CHRNA4: variants seen among roughly 807,000 people sequenced by gnomAD.
The protein encoded by CHRNA4 is neuronal acetylcholine receptor subunit alpha-4.
A neutral mutation model predicts 48.9 loss-of-function variants in CHRNA4; 28 were observed. That is an observed-to-expected ratio of 0.57 (90% CI 0.42 to 0.79). CHRNA4 has a LOEUF of 0.79. Among genes scored for constraint, CHRNA4 ranks in the 30% least tolerant of loss-of-function variants. The probability of loss-of-function intolerance (pLI) is 0.00; values close to 1 mark genes in which losing one functional copy is unlikely to be tolerated. For missense variants in CHRNA4, 859 were observed against 898.4 expected (o/e 0.96, Z 0.56); for synonymous variants, 425 against 402.3 (o/e 1.06, Z -0.68).
chr20:63,349,986 G>T lies in CHRNA4; in HGVS notation c.1425C>A (p.Gly475=), dbSNP rs121912279. The part of the protein sequence containing the change: ...SLSVQHMSSP[G]EAVEGGVRCR... ...ACCGGACGCCGCCTTCCACCGCTTC[G>T]CCAGGGCTGGACATGTGCTGGACGC... The change falls in exon 5 of 6, where the codon GGC becomes GGA. Residue 475 remains glycine, a synonymous_variant. Transcript: ENST00000370263. The T allele has an allele frequency of 7.1e-6, 11 of 1,550,768 alleles. No individual in the cohort carries two copies. The highest frequency in any genetic ancestry group is 8.7e-6 in the Non-Finnish European group (10 of 1,146,802).
At chr20:63,355,682 G>A in intron 4 of CHRNA4, 7 of 998,806 alleles carry the variant, frequency 7.0e-6, no homozygotes, top group Non-Finnish European at 1.0e-5. Context: ...CTGTGTCCAG[G>A]TGCCATAGCC....
chr20:63,356,713 C>T, intron 2 of CHRNA4: 1 of 513,506 alleles, frequency 1.9e-6, no homozygotes, highest in East Asian at 3.5e-5. Flanking sequence ...GCATGGGGAG[C>T]CTCCTTCTGC....
rs1200990885 is a variant in CHRNA4, at chr20:63,349,740, G to C, written c.1671C>G (p.His557Gln). 2 of 1,612,428 alleles carry C rather than the reference G, an allele frequency of 1.2e-6. No individual in the cohort carries two copies. Among genetic ancestry groups the C allele is most frequent in the African/African-American group, 2.7e-5 (2 of 74,932 alleles). Residue 557 changes from histidine (H) to glutamine (Q), a missense_variant, in exon 5 of 6, where the codon CAC becomes CAG. Physicochemically the swap from His to Gln is conservative, Grantham distance 24. This residue lies in a region of CHRNA4 where 478 missense variants were observed against 455.4 expected (regional missense o/e 1.05). Coordinates refer to ENST00000370263, the MANE Select transcript of CHRNA4 (RefSeq NM_000744.7). ...GGGTCAGGGCCGGCGACAGGGGCAG[G>C]TGCGGGGGCGGCGCTTTGGTGCTGC... ...KTRSTKAPPP[H>Q]LPLSPALTRA...
At chr20:63,360,487 T>C (rs1036122474) in intron 1 of CHRNA4, among the ~76,000 whole-genome samples, 3 of 152,116 alleles carry the variant, frequency 2.0e-5, no homozygotes, top group Non-Finnish European at 4.4e-5. Context: ...CCGCCTGTCC[T>C]GGGCGCTGCC....
intron 5 of CHRNA4, among the ~76,000 whole-genome samples, chr20:63,347,379 C>T (rs1402770020): frequency 6.6e-6 from 1 of 152,236 alleles, no homozygotes; most frequent in African/African-American, 2.4e-5. Flanking sequence ...CATCTGCAGT[C>T]TCTCACTCGA....
At chr20:63,359,736 C>A (rs375155371) in intron 1 of CHRNA4, 37 bp from the exon 2 acceptor site, 1 of 1,604,448 alleles carries the variant, frequency 6.2e-7, no homozygotes, top group African/African-American at 1.3e-5. Flanking sequence ...CAGGTGCAGG[C>A]GGGACAGGAG....
intron 4 of CHRNA4, among the ~76,000 whole-genome samples, chr20:63,351,412 C>T (rs939595952): frequency 1.3e-5 from 2 of 152,212 alleles, no homozygotes; most frequent in Admixed American, 6.5e-5. Flanking sequence ...AAGGGACCTA[C>T]GAGTGCCTGA....
Position 63,359,582 on chromosome 20 carries a change from C to T in CHRNA4, c.194G>A (p.Arg65His), listed in dbSNP as rs200867143. 11 of 1,612,722 alleles carry T rather than the reference C, an allele frequency of 6.8e-6. No homozygotes were observed. The East Asian group carries it at 8.9e-5, about 13-fold the overall frequency. Residue 65 changes from arginine to histidine, a missense_variant, in exon 2 of 6, where the codon CGC becomes CAC. This residue lies in a region of CHRNA4 where 342 missense variants were observed against 365.3 expected (regional missense o/e 0.94). Coordinates refer to ENST00000370263, the MANE Select transcript of CHRNA4 (RefSeq NM_000744.7). ...VANISDVVLVRFGLSIAQLID... is the reference protein window; with the variant it reads ...VANISDVVLVHFGLSIAQLID... ...GAGCTGAGCGATGGACAGGCCGAAG[C>T]GGACGAGGACCACGTCCGAGATGTT... is the stretch of plus-strand genomic sequence containing the variant.
Position 63,344,365 on chromosome 20 carries a change from T to C in CHRNA4, c.*2373A>G, listed in dbSNP as rs202119950. ...CTGGGTCTCCACTGAAGAGCATGCA[T>C]CTCACCATATGTAAATTTTACCTTA... is the stretch of plus-strand genomic sequence containing the variant. On this transcript the variant is annotated 3_prime_UTR_variant, in exon 6 of 6. Coordinates refer to ENST00000370263, the MANE Select transcript of CHRNA4 (RefSeq NM_000744.7). The surrounding 1 kb of genome is among the most constrained non-coding windows in gnomAD (Gnocchi z 4.5). 4 of 453,990 alleles carry C rather than the reference T, an allele frequency of 8.8e-6. No individual in the cohort carries two copies. Among genetic ancestry groups the C allele is most frequent in the South Asian group, 1.6e-5 (1 of 64,468 alleles). The allele number at this position is 453,990 out of a possible 1,614,324, so 28.1% of individuals were successfully genotyped here.
chr20:63,350,999 G>A lies in CHRNA4; in HGVS notation c.412C>T (p.Leu138=), dbSNP rs372063405. The A allele has an allele frequency of 2.0e-5, 33 of 1,613,174 alleles. No homozygotes were observed. Among genetic ancestry groups the A allele is most frequent in the Non-Finnish European group, 2.7e-5 (32 of 1,179,950 alleles). The change falls in exon 5 of 6, where the codon CTG becomes TTG. Residue 138 remains leucine (L), a synonymous_variant. Transcript: ENST00000370263. ...TCATGGAACAGGTGGGCCTTGGTCA[G>A]GTGGGTGACCGCGAAGTCCCCGTCA... ...NADGDFAVTH[L]TKAHLFHDGR...
At chr20:63,349,544 A>T (rs917223802) in intron 5 of CHRNA4, 109 bp downstream of exon 5, 8 of 1,425,710 alleles carry the variant, frequency 5.6e-6, no homozygotes, top group Admixed American at 1.7e-5. Context: ...CCCAAAGCGA[A>T]GCAGCCTGAG....
rs1555838260 is a variant in CHRNA4, at chr20:63,351,198, A to AGCCACGCCCCACGCCCACGCCCCACG, written c.384-172_384-171insCGTGGGGCGTGGGCGTGGGGCGTGGC. The stretch of plus-strand genomic sequence containing the variant: ...GCCCACATCCATGTCCCACGCCCAC[A>AGCCACGCCCCACGCCCACGCCCCACG]TCCACACCCACGTCCACGTCCACGC... On this transcript the variant is annotated intron_variant, in intron 4 of 5. Transcript: ENST00000370263. 8.8e-4 allele frequency: 418 copies of AGCCACGCCCCACGCCCACGCCCCACG among 477,712 alleles called. 15 individuals carry two copies. Among genetic ancestry groups the AGCCACGCCCCACGCCCACGCCCCACG allele is most frequent in the Middle Eastern group, 1.5e-3 (3 of 2,020 alleles). 29.6% of individuals were successfully genotyped at this position (477,712 alleles called of 1,614,324 possible). A position where few individuals can be genotyped will look rare whatever the true frequency, so the allele number is the denominator to read the frequency against.
In CHRNA4 at chr20:63,359,704, G is replaced by A. The variant is rs200082259; in HGVS notation, c.77-5C>T. ...GGGTCTCCACATGGCTGCTGGCTGC[G>A]GGGAGAGGCAGGCCAGTGGCTCAGG... On this transcript the variant is annotated splice_polypyrimidine_tract_variant and splice_region_variant and intron_variant, in intron 1 of 5. Transcript: ENST00000370263. 1.7e-5 allele frequency: 27 copies of A among 1,610,110 alleles called. No individual in the cohort carries two copies. The highest frequency in any genetic ancestry group is 6.7e-5 in the East Asian group (3 of 44,876).
In CHRNA4 at chr20:63,361,326, GGCAGGGAGCGCC is replaced by G; in HGVS notation, c.-173_-162del. ...GTGGGGCGCGGTGCGGCGGCGGCGCGGCAGGGAGCGCCGGGCTGTGGGCTCCGTGGCGCGGCC... is the reference window on the plus strand; with the variant it reads ...GTGGGGCGCGGTGCGGCGGCGGCGCGGGGCTGTGGGCTCCGTGGCGCGGCC... On this transcript the variant is annotated 5_prime_UTR_variant, in exon 1 of 6. Coordinates refer to ENST00000370263, the MANE Select transcript of CHRNA4 (RefSeq NM_000744.7). 1 of 1,158,000 alleles carries G rather than the reference GGCAGGGAGCGCC, an allele frequency of 8.6e-7. No individual in the cohort carries two copies. The highest frequency in any genetic ancestry group is 3.0e-5 in the South Asian group (1 of 33,322). The allele number at this position is 1,158,000 out of a possible 1,614,324, so 71.7% of individuals were successfully genotyped here. A position where few individuals can be genotyped will look rare whatever the true frequency, so the allele number is the denominator to read the frequency against.
At chr20:63,353,815 C>A (rs78566368) in intron 4 of CHRNA4, among the ~76,000 whole-genome samples, 4 of 39,318 alleles carry the variant, frequency 1.0e-4, no homozygotes, top group Admixed American at 3.9e-4. Context: ...GGGCTGTGGT[C>A]CTGGAGGGGC....
At chr20:63,355,211 C>T (rs544644353) in intron 4 of CHRNA4, among the ~76,000 whole-genome samples, 33 of 152,318 alleles carry the variant, frequency 2.2e-4, no homozygotes, top group Admixed American at 1.8e-3. Flanking sequence ...GCGCAGGGCC[C>T]TCGGCACAGA....
rs1209368457 is a variant in CHRNA4 at position 63,344,201 on chromosome 20, G to A, written c.*2537C>T. The A allele has an allele frequency of 6.6e-6, 3 of 453,934 alleles. No individual in the cohort carries two copies. The Admixed American group carries it at 7.0e-5, about 11-fold the overall frequency. The allele number at this position is 453,934 out of a possible 1,614,324, so 28.1% of individuals were successfully genotyped here. A position where few individuals can be genotyped will look rare whatever the true frequency, so the allele number is the denominator to read the frequency against. On this transcript the variant is annotated 3_prime_UTR_variant, in exon 6 of 6. Transcript: ENST00000370263. The surrounding 1 kb of genome is among the most constrained non-coding windows in gnomAD (Gnocchi z 4.5). ...AAGCTCTAAGTCATAGGATGAAGAAGCCAGACATCAAAGGCTCCAACTGCA... is the reference window on the plus strand; with the variant it reads ...AAGCTCTAAGTCATAGGATGAAGAAACCAGACATCAAAGGCTCCAACTGCA...
rs1007204830 is a variant in CHRNA4, at chr20:63,360,035, G to C, written c.77-336C>G. Reference sequence around the variant, plus strand: ...CTTCCCAGGCCCCTCAGCCCACGGAGGCCTTCCCAGCACCTTGACCGCACC... The same window carrying C: ...CTTCCCAGGCCCCTCAGCCCACGGACGCCTTCCCAGCACCTTGACCGCACC... On this transcript the variant is annotated intron_variant, in intron 1 of 5. Coordinates refer to ENST00000370263, the MANE Select transcript of CHRNA4 (RefSeq NM_000744.7). 1.1e-5 allele frequency: 4 copies of C among 369,028 alleles called. No individual in the cohort carries two copies. The Admixed American group carries it at 1.2e-4, about 11-fold the overall frequency. 22.9% of individuals were successfully genotyped at this position (369,028 alleles called of 1,614,324 possible).
At chr20:63,360,214 A>C (rs1439531520) in intron 1 of CHRNA4, 1 of 170,050 alleles carries the variant, frequency 5.9e-6, no homozygotes, top group Non-Finnish European at 1.3e-5. Flanking sequence ...GGGCCAGCCC[A>C]GGCAGGAAGA....
Sources: gnomAD v4.1 joint callset for allele counts (sites outside exome capture counted in the v4.1 genomes callset) on GRCh38, gnomAD v4.1.1 for gene constraint, gnomAD v4.1.1 regional missense constraint, Gnocchi (gnomAD v3.1) non-coding constraint, MANE v1.5 for transcripts, NCBI Gene and HGNC (gene_info 2026-07-23, HGNC 2026-07-21) for gene names.